The following CRTC1 variants were observed in gnomAD, a reference collection of about 807,000 sequenced individuals.
The protein encoded by CRTC1 is CREB-regulated transcription coactivator 1.
In CRTC1, 18 loss-of-function variants were observed where a neutral mutation model predicts 66.1. The observed-to-expected ratio is 0.27, with a 90% confidence interval of 0.19 to 0.40. CRTC1 has a LOEUF of 0.40. Ranked by LOEUF, CRTC1 falls within the 10% of genes least tolerant of loss-of-function variation. The pLI is 1.00. For synonymous variants in CRTC1, 416 were observed against 398.8 expected, an observed-to-expected ratio of 1.04 and a Z score of -0.51; for missense variants, 669 against 887.9, an observed-to-expected ratio of 0.75 and a Z score of 3.13.
Position 18,760,121 on chromosome 19 carries a change from C to T in CRTC1, c.779C>T (p.Thr260Ile). The change falls in exon 8 of 14, where the codon ACC (threonine) becomes ATC (isoleucine). Residue 260 changes from threonine (T) to isoleucine (I), a missense_variant. Transcript: ENST00000321949. The surrounding 1 kb of genome is among the most constrained non-coding windows in gnomAD (Gnocchi z 6.2). ...TNIHFPSPLPTPLDPEEPTFP... is the reference protein window; with the variant it reads ...TNIHFPSPLPIPLDPEEPTFP... ...ATCCACTTCCCCTCCCCGCTCCCGA[C>T]CCCGCTGGACCCCGAGGAGCCCACC... The T allele has an allele frequency of 6.2e-7, 1 of 1,613,924 alleles. No homozygotes were observed. Among genetic ancestry groups the T allele is most frequent in the East Asian group, 2.2e-5 (1 of 44,862 alleles).
chr19:18,748,125 T>C (rs1339559074), intron 4 of CRTC1, among the ~76,000 whole-genome samples: 1 of 152,054 alleles, frequency 6.6e-6, no homozygotes, highest in East Asian at 1.9e-4. Flanking sequence ...CATACAATAA[T>C]ATAGATCATG....
chr19:18,714,231 G>A (rs534424103), intron 1 of CRTC1, among the ~76,000 whole-genome samples: 4 of 152,184 alleles, frequency 2.6e-5, no homozygotes, highest in Non-Finnish European at 5.9e-5. Context: ...CAGCACACAT[G>A]CAGCCATGAT....
At chr19:18,753,643 C>T (rs1568525745) in intron 6 of CRTC1, 58 bp downstream of exon 6, 3 of 1,354,908 alleles carry the variant, frequency 2.2e-6, no homozygotes, top group Admixed American at 3.7e-5. Context: ...CAAGCATCAC[C>T]TGGGCAAAGG....
intron 4 of CRTC1, among the ~76,000 whole-genome samples, chr19:18,748,980 T>A (rs2054306301): frequency 1.3e-5 from 2 of 151,992 alleles, no homozygotes; most frequent in Admixed American, 6.6e-5. Context: ...CACAGAGAGG[T>A]CAAAACACTT....
At chr19:18,729,614 C>T (rs970236251) in intron 1 of CRTC1, among the ~76,000 whole-genome samples, 2 of 151,280 alleles carry the variant, frequency 1.3e-5, no homozygotes, top group Admixed American at 6.6e-5. Context: ...GTTGGCCTGC[C>T]GCTGTAGTCC....
chr19:18,774,802 G>A (rs1601021799), intron 11 of CRTC1, 98 bp from the exon 12 acceptor site: 6 of 1,132,782 alleles, frequency 5.3e-6, no homozygotes, highest in Non-Finnish European at 7.9e-6. Flanking sequence ...CGTCTGGGAG[G>A]TTCCAGGGGC....
chr19:18,710,635 A>C (rs994249720), intron 1 of CRTC1, among the ~76,000 whole-genome samples: 1 of 151,980 alleles, frequency 6.6e-6, no homozygotes, highest in Non-Finnish European at 1.5e-5. Context: ...TTTTTGAGAC[A>C]GAGTCTCACT....
At chr19:18,751,353 C>G (rs2054359229) in intron 5 of CRTC1, among the ~76,000 whole-genome samples, 1 of 152,080 alleles carries the variant, frequency 6.6e-6, no homozygotes, top group Admixed American at 6.5e-5. Flanking sequence ...GAGACTCTGT[C>G]TCTACCAAAA....
chr19:18,725,123 T>C (rs1220339413), intron 1 of CRTC1, among the ~76,000 whole-genome samples: 1 of 152,104 alleles, frequency 6.6e-6, no homozygotes, highest in Non-Finnish European at 1.5e-5. Flanking sequence ...GAGCTCAGTA[T>C]CTTTTCTTCA....
At chr19:18,761,218 T>C (rs1478419557) in intron 8 of CRTC1, among the ~76,000 whole-genome samples, 5 of 152,176 alleles carry the variant, frequency 3.3e-5, no homozygotes, top group Non-Finnish European at 4.4e-5. Context: ...CCGCGTTGCT[T>C]TCCTGCACCC....
intron 1 of CRTC1, among the ~76,000 whole-genome samples, chr19:18,696,174 CCAGGTTGGACTAACCCCG>C (rs2052983432): frequency 6.6e-6 from 1 of 152,152 alleles, no homozygotes; most frequent in South Asian, 2.1e-4. Context: ...GCCATCTGAC[CCAGGTTGGACTAACCCCG>C]CAGCCTGTGT....
intron 11 of CRTC1, among the ~76,000 whole-genome samples, chr19:18,772,315 T>A (rs2054888062): frequency 6.6e-6 from 1 of 152,120 alleles, no homozygotes; most frequent in Admixed American, 6.5e-5. Flanking sequence ...CCACATTCCA[T>A]CTAGAACATT....
chr19:18,749,690 C>T, intron 4 of CRTC1, 91 bp from the exon 5 acceptor site: 3 of 1,051,304 alleles, frequency 2.9e-6, no homozygotes, highest in South Asian at 2.6e-5. Flanking sequence ...AGCTGCCACC[C>T]TGTCCATCCA....
At chr19:18,730,496 G>A (rs1247712427) in intron 1 of CRTC1, among the ~76,000 whole-genome samples, 4 of 152,078 alleles carry the variant, frequency 2.6e-5, no homozygotes, top group Non-Finnish European at 5.9e-5. Flanking sequence ...CTGCCGTGGA[G>A]TCACCGGCTG....
At chr19:18,701,929 T>G (rs556987172) in intron 1 of CRTC1, among the ~76,000 whole-genome samples, 58 of 150,172 alleles carry the variant, frequency 3.9e-4, no homozygotes, top group African/African-American at 1.3e-3. Flanking sequence ...TTTGTTTTTT[T>G]TTTTTTTTTT....
chr19:18,770,392 C>T (rs1370044943), intron 10 of CRTC1, among the ~76,000 whole-genome samples: 1 of 152,248 alleles, frequency 6.6e-6, no homozygotes, highest in African/African-American at 2.4e-5. Context: ...CTGCGCCATG[C>T]TGGGAGCCTG....
intron 1 of CRTC1, among the ~76,000 whole-genome samples, chr19:18,740,508 C>T (rs1025095292): frequency 6.6e-6 from 1 of 152,214 alleles, no homozygotes; most frequent in Non-Finnish European, 1.5e-5. Context: ...CCCAAACTCC[C>T]ACCCTAAAAC....
At chr19:18,744,547 CCAGCAGGCAGGACGTGGCGAGCCCG>C (rs2054188468) in intron 2 of CRTC1, among the ~76,000 whole-genome samples, 1 of 152,154 alleles carries the variant, frequency 6.6e-6, no homozygotes, top group Non-Finnish European at 1.5e-5. Context: ...CCAAACCAGG[CCAGCAGGCAGGACGTGGCGAGCCCG>C]GGTGTGGCCA....
chr19:18,696,984 C>G (rs2145506807), intron 1 of CRTC1, among the ~76,000 whole-genome samples: 1 of 152,134 alleles, frequency 6.6e-6, no homozygotes. Flanking sequence ...AGAACACACC[C>G]CCACTTTATT....
Sources: allele counts gnomAD v4.1 joint callset (sites outside exome capture counted in the v4.1 genomes callset), GRCh38; gene constraint gnomAD v4.1.1; non-coding constraint Gnocchi (gnomAD v3.1); transcripts MANE v1.5; gene names NCBI Gene and HGNC (gene_info 2026-07-23, HGNC 2026-07-21).